Variants in DAB1 observed in about 807,000 individuals in gnomAD.
DAB1 encodes DAB adaptor protein 1.
Under a neutral mutation model 64.6 loss-of-function variants are expected in DAB1, and 15 were observed. The observed-to-expected ratio is 0.23, with a 90% CI of 0.16 to 0.36. The LOEUF is 0.36. Ranked by LOEUF, DAB1 falls within the 10% of genes least tolerant of loss-of-function variation. DAB1 has a pLI of 1.00. For synonymous variants in DAB1, 235 were observed against 251.9 expected, an observed-to-expected ratio of 0.93 and a Z score of 0.64; for missense variants, 596 against 706.7, an observed-to-expected ratio of 0.84 and a Z score of 1.78.
chr1:58,538,850 G>A (rs761388062), intron 1 of DAB1: 3 of 869,894 alleles, frequency 3.4e-6, no homozygotes, highest in Middle Eastern at 4.4e-4. Context: ...ATCAACAAGA[G>A]AGGAACCGGA....
At chr1:57,680,331 C>G (rs899272904) in intron 6 of DAB1, among the ~76,000 whole-genome samples, 2 of 152,178 alleles carry the variant, frequency 1.3e-5, no homozygotes, top group African/African-American at 4.8e-5. Flanking sequence ...AAGTTTTGTG[C>G]CTTAAAACAA....
At chr1:57,701,250 C>T (rs150083972) in intron 6 of DAB1, among the ~76,000 whole-genome samples, 1,751 of 152,102 alleles carry the variant, frequency 0.012, 36 homozygotes, top group South Asian at 0.065. Flanking sequence ...AAGACATATG[C>T]ACACGTATGT....
At chr1:57,523,476 T>C (rs1471967728) in intron 7 of DAB1, among the ~76,000 whole-genome samples, 2 of 152,186 alleles carry the variant, frequency 1.3e-5, no homozygotes, top group Non-Finnish European at 2.9e-5. Context: ...GCAGCTGACA[T>C]TGAGGAAGGT....
chr1:58,125,604 G>A (rs1481984915), intron 5 of DAB1, among the ~76,000 whole-genome samples: 1 of 151,776 alleles, frequency 6.6e-6, no homozygotes, highest in Non-Finnish European at 1.5e-5. Context: ...ACCATGCTTG[G>A]ATACTTTTTA....
intron 1 of DAB1, chr1:58,533,866 C>A: frequency 1.3e-6 from 1 of 770,596 alleles, no homozygotes; most frequent in South Asian, 1.5e-5. Context: ...TTTTAAAAAA[C>A]CTGAAAAAAA....
At chr1:57,626,840 C>A (rs1310576788) in intron 7 of DAB1, among the ~76,000 whole-genome samples, 1 of 152,082 alleles carries the variant, frequency 6.6e-6, no homozygotes, top group Non-Finnish European at 1.5e-5. Context: ...ACCTAATCAC[C>A]CCACAAAGGC....
At chr1:57,813,828 T>C (rs751321937) in intron 6 of DAB1, among the ~76,000 whole-genome samples, 6 of 152,322 alleles carry the variant, frequency 3.9e-5, no homozygotes, top group Non-Finnish European at 7.4e-5. Flanking sequence ...AGATAATTCA[T>C]AGACTGTTTA....
At chr1:58,340,011 C>A (rs1350421854) in intron 4 of DAB1, among the ~76,000 whole-genome samples, 1 of 152,120 alleles carries the variant, frequency 6.6e-6, no homozygotes, top group Non-Finnish European at 1.5e-5. Flanking sequence ...GCTAATTTTT[C>A]AAGAAGATTT....
intron 1 of DAB1, among the ~76,000 whole-genome samples, chr1:57,841,482 A>T (rs1653044980): frequency 6.6e-6 from 1 of 152,198 alleles, no homozygotes; most frequent in African/African-American, 2.4e-5. Context: ...GAAGTTCTTC[A>T]TGAGGGCTCC....
At chr1:58,037,021 C>G (rs1647054611) in intron 5 of DAB1, among the ~76,000 whole-genome samples, 1 of 152,124 alleles carries the variant, frequency 6.6e-6, no homozygotes, top group South Asian at 2.1e-4. Flanking sequence ...CTCCTTCCCA[C>G]TAGAATGAAG....
intron 3 of DAB1, among the ~76,000 whole-genome samples, chr1:58,505,827 A>C (rs1645979559): frequency 6.6e-6 from 1 of 152,216 alleles, no homozygotes; most frequent in Non-Finnish European, 1.5e-5. Flanking sequence ...TAAAGGAGTT[A>C]AACCTTCACT....
chr1:57,077,898 C>A (rs775715449), intron 4 of DAB1, among the ~76,000 whole-genome samples: 29 of 151,750 alleles, frequency 1.9e-4, no homozygotes, highest in South Asian at 4.2e-4. Context: ...AGGAAAAATA[C>A]CCAACAGGAA....
At chr1:57,883,488 T>C (rs1400600682) in intron 1 of DAB1, among the ~76,000 whole-genome samples, 1 of 152,200 alleles carries the variant, frequency 6.6e-6, no homozygotes, top group Non-Finnish European at 1.5e-5. Context: ...CCAGAGTGCC[T>C]GGTGCTGTGC....
chr1:58,447,857 C>CCAA (rs1553183233), intron 3 of DAB1, among the ~76,000 whole-genome samples: 1 of 43,954 alleles, frequency 2.3e-5, no homozygotes, highest in African/African-American at 4.9e-5. Flanking sequence ...ATGACTTAAA[C>CCAA]AAAAAAAAAA....
intron 4 of DAB1, among the ~76,000 whole-genome samples, chr1:57,108,413 T>C (rs1655362827): frequency 6.6e-6 from 1 of 152,204 alleles, no homozygotes; most frequent in Admixed American, 6.5e-5. Context: ...CAGCAGTTCC[T>C]TCTCACCCTA....
intron 1 of DAB1, among the ~76,000 whole-genome samples, chr1:57,294,465 CT>C (rs72441918): frequency 6.4e-4 from 95 of 149,456 alleles, no homozygotes; most frequent in African/African-American, 2.1e-3. Context: ...ACAGATATGC[CT>C]TTTTTTTTTA....
chr1:57,585,209 A>G (rs1294404934), intron 7 of DAB1, among the ~76,000 whole-genome samples: 3 of 129,282 alleles, frequency 2.3e-5, no homozygotes, highest in Non-Finnish European at 3.2e-5. Context: ...AGATCAAGCC[A>G]CTGCACTCCA....
At chr1:58,218,935 T>C (rs1658998293) in intron 4 of DAB1, among the ~76,000 whole-genome samples, 3 of 150,242 alleles carry the variant, frequency 2.0e-5, no homozygotes, top group Admixed American at 1.3e-4. Context: ...AAGACAGGGT[T>C]ATACACACTC....
intron 2 of DAB1, among the ~76,000 whole-genome samples, chr1:57,199,316 C>A (rs563988287): frequency 6.6e-6 from 1 of 152,166 alleles, no homozygotes; most frequent in South Asian, 2.1e-4. Flanking sequence ...TTAAAAAACC[C>A]ACACAGAGAC....
Sources: allele counts gnomAD v4.1 joint callset (sites outside exome capture counted in the v4.1 genomes callset), GRCh38; gene constraint gnomAD v4.1.1; transcripts MANE v1.5; gene names NCBI Gene and HGNC (gene_info 2026-07-23, HGNC 2026-07-21).